Variants in PKD2 observed in about 807,000 individuals in gnomAD.
The protein encoded by PKD2 is polycystin 2, transient receptor potential cation channel, also known as polycystin-2.
Under a neutral mutation model 105.9 loss-of-function variants are expected in PKD2, and 48 were observed. The observed-to-expected ratio is 0.45, with a 90% CI of 0.36 to 0.58. The LOEUF is 0.58. Ranked by LOEUF, PKD2 falls within the 20% of genes least tolerant of loss-of-function variation. PKD2 has a pLI of 0.00. For synonymous variants in PKD2, 464 were observed against 481.1 expected (o/e 0.96, Z 0.46); for missense variants, 1,078 against 1,255.3 (o/e 0.86, Z 2.13).
Position 88,069,580 on chromosome 4 carries a change from A to G in PKD2, c.2522+1519A>G, listed in dbSNP as rs1720937047. Among the ~76,000 whole-genome samples the G allele has an allele frequency of 2.0e-5, 3 of 152,052 alleles. 1 individual carries two copies. In the South Asian group the frequency reaches 6.2e-4, roughly 32 times the overall value. On this transcript the variant is annotated intron_variant, in intron 13 of 14. Coordinates refer to ENST00000237596, the MANE Select transcript of PKD2 (RefSeq NM_000297.4). ...TTCCTCTTCCCTCTTTTTGTGCTATATATTCATCTATCTATATGTATATAT... is the reference window on the plus strand; with the variant it reads ...TTCCTCTTCCCTCTTTTTGTGCTATGTATTCATCTATCTATATGTATATAT...
chr4:88,013,544 A>T (rs1726455828), intron 1 of PKD2, among the ~76,000 whole-genome samples: 1 of 152,164 alleles, frequency 6.6e-6, no homozygotes, highest in African/African-American at 2.4e-5. Context: ...GTGGCAAAAA[A>T]TACAAAAATT....
At chr4:88,008,644 T>A (rs1342857176) in intron 1 of PKD2, among the ~76,000 whole-genome samples, 1 of 152,174 alleles carries the variant, frequency 6.6e-6, no homozygotes, top group Admixed American at 6.5e-5. Context: ...TGTTTTTTTT[T>A]TTCTTGTAGA....
In PKD2 at chr4:88,008,133, G is replaced by T. The variant is rs1726244838; in HGVS notation, c.400G>T (p.Val134Leu). 2 of 1,489,622 alleles carry T rather than the reference G, an allele frequency of 1.3e-6. No individual in the cohort carries two copies. The highest frequency in any genetic ancestry group is 5.6e-5 in the East Asian group (2 of 35,728). 92.3% of individuals were successfully genotyped at this position (1,489,622 alleles called of 1,614,324 possible). Reference protein sequence around the residue: ...RSAASSAVSSVGARSRGLGGY... With the variant: ...RSAASSAVSSLGARSRGLGGY... ...GGCCGCCTCCTCGGCCGTGAGCTCC[G>T]TGGGCGCGCGGAGCCGGGGGCTTGG... Residue 134 changes from valine (V) to leucine (L), a missense_variant, in exon 1 of 15, where the codon GTG (valine) becomes TTG (leucine). Val to Leu is a conservative substitution (Grantham distance 32). Coordinates refer to ENST00000237596, the MANE Select transcript of PKD2 (RefSeq NM_000297.4).
At chr4:88,023,137 AAAAG>A (rs1196716777) in intron 2 of PKD2, among the ~76,000 whole-genome samples, 14 of 152,196 alleles carry the variant, frequency 9.2e-5, no homozygotes, top group African/African-American at 2.2e-4. Flanking sequence ...ATAGAAAAGA[AAAAG>A]AAAGAAAAGA....
rs1721185256 is a variant in PKD2, at chr4:88,075,107, C to T, written c.2670+148C>T. On this transcript the variant is annotated intron_variant, in intron 14 of 14. Coordinates refer to ENST00000237596, the MANE Select transcript of PKD2 (RefSeq NM_000297.4). Reference sequence around the variant, plus strand: ...TCACAATGATGTTTCCATTTACTCTCATTTTCAGATTTTTTTCTCTGAAAC... The same window carrying T: ...TCACAATGATGTTTCCATTTACTCTTATTTTCAGATTTTTTTCTCTGAAAC... The T allele has an allele frequency of 8.2e-6, 7 of 854,292 alleles. No individual in the cohort carries two copies. The East Asian group carries it at 1.1e-4, about 13-fold the overall frequency. 52.9% of individuals were successfully genotyped at this position (854,292 alleles called of 1,614,324 possible). A position where few individuals can be genotyped will look rare whatever the true frequency, so the allele number is the denominator to read the frequency against.
At chr4:88,043,155 G>T in intron 4 of PKD2, 78 bp from the exon 5 acceptor site, 1 of 909,714 alleles carries the variant, frequency 1.1e-6, no homozygotes, top group Non-Finnish European at 1.8e-6. Context: ...TATTTTACAA[G>T]GAACCAGCTG....
chr4:88,038,757 T>G (rs547410770), intron 4 of PKD2, among the ~76,000 whole-genome samples: 3 of 152,332 alleles, frequency 2.0e-5, no homozygotes, highest in South Asian at 4.1e-4. Context: ...CCTCAAAAAT[T>G]AATTATCTGA....
Position 88,063,732 on chromosome 4 carries a change from A to G in PKD2, c.2119-1642A>G, listed in dbSNP as rs544263217. 1.3e-4 allele frequency among the ~76,000 whole-genome samples: 20 copies of G among 152,348 alleles called. No homozygotes were observed. The East Asian group carries it at 1.7e-3, about 13-fold the overall frequency. On this transcript the variant is annotated intron_variant, in intron 10 of 14. Coordinates refer to ENST00000237596, the MANE Select transcript of PKD2 (RefSeq NM_000297.4). Reference sequence around the variant, plus strand: ...AGCCAGAAGAACTTAGGGCAGGTCTATCAACTTAAATGAGGAAAATAGCTG... The same window carrying G: ...AGCCAGAAGAACTTAGGGCAGGTCTGTCAACTTAAATGAGGAAAATAGCTG...
chr4:88,045,869 C>T lies in PKD2; in HGVS notation c.1320-773C>T, dbSNP rs530355849. ...TAGGTGTTACATAATGAATGAATGA[C>T]TCAGTTCCTATCTTTATATATGTAC... On this transcript the variant is annotated intron_variant, in intron 5 of 14. Transcript: ENST00000237596. Among the ~76,000 whole-genome samples, 30 of 152,310 alleles carry T rather than the reference C, an allele frequency of 2.0e-4. No individual in the cohort carries two copies. The South Asian group carries it at 6.0e-3, about 30-fold the overall frequency.
chr4:88,050,044 G>A (rs1227749144), intron 6 of PKD2, among the ~76,000 whole-genome samples: 3 of 143,928 alleles, frequency 2.1e-5, no homozygotes, highest in African/African-American at 5.2e-5. Flanking sequence ...GCACCATCTC[G>A]GCTCACTGCA....
intron 1 of PKD2, among the ~76,000 whole-genome samples, chr4:88,011,710 G>A (rs894546368): frequency 6.6e-6 from 1 of 152,132 alleles, no homozygotes; most frequent in Non-Finnish European, 1.5e-5. Flanking sequence ...CTTAAAAAAA[G>A]ATTTGAACAT....
At chr4:88,032,059 G>C (rs957491849) in intron 2 of PKD2, among the ~76,000 whole-genome samples, 1 of 152,032 alleles carries the variant, frequency 6.6e-6, no homozygotes, top group Non-Finnish European at 1.5e-5. Flanking sequence ...TTAAAGCTTT[G>C]TGATTTAGTA....
intron 7 of PKD2, 79 bp from the exon 8 acceptor site, chr4:88,056,007 G>A: frequency 2.1e-6 from 2 of 937,562 alleles, no homozygotes; most frequent in Non-Finnish European, 1.7e-6. Flanking sequence ...TTCTTTTCAG[G>A]ATGAAATAAT....
At chr4:88,036,479 T>C (rs778106584) in intron 3 of PKD2, 126 bp downstream of exon 3, 13 of 1,514,454 alleles carry the variant, frequency 8.6e-6, no homozygotes, top group African/African-American at 2.7e-5. Flanking sequence ...ACGTAAGTTA[T>C]GGTGAGTTGT....
intron 1 of PKD2, among the ~76,000 whole-genome samples, chr4:88,014,119 A>G (rs1436739079): frequency 6.6e-6 from 1 of 152,224 alleles, no homozygotes; most frequent in East Asian, 1.9e-4. Context: ...GAAAGGAAAC[A>G]AAAACCATCA....
rs374504867 is a variant in PKD2, at chr4:88,069,098, A to G, written c.2522+1037A>G. 9.8e-5 allele frequency among the ~76,000 whole-genome samples: 15 copies of G among 152,290 alleles called. No homozygotes were observed. In the East Asian group the frequency reaches 1.5e-3, roughly 16 times the overall value. On this transcript the variant is annotated intron_variant, in intron 13 of 14. Coordinates refer to ENST00000237596, the MANE Select transcript of PKD2 (RefSeq NM_000297.4). The stretch of plus-strand genomic sequence containing the variant: ...TTTTAAGTATTTTTTGTTTGATATT[A>G]CTGTAACCACTCCAGCTTTCTTTTG...
At chr4:88,008,785 G>C (rs750152272) in intron 1 of PKD2, among the ~76,000 whole-genome samples, 18 of 152,286 alleles carry the variant, frequency 1.2e-4, no homozygotes, top group Middle Eastern at 3.4e-3. Flanking sequence ...ATTGTCCCGG[G>C]CTGAAAAGGG....
At chr4:88,024,158 A>C (rs1578121320) in intron 2 of PKD2, among the ~76,000 whole-genome samples, 1 of 152,146 alleles carries the variant, frequency 6.6e-6, no homozygotes, top group East Asian at 1.9e-4. Context: ...AATATTTAGA[A>C]GATCTTTGAA....
chr4:88,015,805 A>G (rs769815704), intron 1 of PKD2, among the ~76,000 whole-genome samples: 1 of 152,208 alleles, frequency 6.6e-6, no homozygotes. Flanking sequence ...TGTTTGGAAT[A>G]TCTTTTGTGC....
Sources: gnomAD v4.1 joint callset for allele counts (sites outside exome capture counted in the v4.1 genomes callset) on GRCh38, gnomAD v4.1.1 for gene constraint, MANE v1.5 for transcripts, NCBI Gene and HGNC (gene_info 2026-07-23, HGNC 2026-07-21) for gene names.